The following CACNA1C variants were observed in gnomAD, a reference collection of about 807,000 sequenced individuals.
The protein encoded by CACNA1C is calcium voltage-gated channel subunit alpha1 C.
CACNA1C carries 30 observed loss-of-function variants against 229.0 expected under a neutral mutation model. The ratio of observed to expected loss-of-function variants is 0.13; its 90% CI spans 0.10 to 0.18. CACNA1C has a LOEUF of 0.18. Ranked by LOEUF, CACNA1C falls within the 10% of genes least tolerant of loss-of-function variation. CACNA1C has a pLI of 1.00. For synonymous variants in CACNA1C, 1,114 were observed against 1,132.5 expected, an observed-to-expected ratio of 0.98 and a Z score of 0.33; for missense variants, 1,658 against 2,845.0, an observed-to-expected ratio of 0.58 and a Z score of 9.49.
chr12:2,255,182 A>G (rs2076938873), intron 3 of CACNA1C, among the ~76,000 whole-genome samples: 1 of 151,688 alleles, frequency 6.6e-6, no homozygotes, highest in South Asian at 2.1e-4. Flanking sequence ...AAATATGGAT[A>G]CAGACCCGTG....
chr12:2,305,251 G>T (rs1007929236), intron 3 of CACNA1C, among the ~76,000 whole-genome samples: 2 of 152,220 alleles, frequency 1.3e-5, no homozygotes, highest in Non-Finnish European at 2.9e-5. Context: ...AAAAGCTGGG[G>T]CAGATTCTGA....
intron 9 of CACNA1C, among the ~76,000 whole-genome samples, chr12:2,523,759 C>T (rs1026475411): frequency 2.6e-5 from 4 of 152,164 alleles, no homozygotes; most frequent in Non-Finnish European, 5.9e-5. Flanking sequence ...TACACTTGGG[C>T]GTTAAAGTAG....
At chr12:2,239,675 G>A (rs1019187347) in intron 3 of CACNA1C, among the ~76,000 whole-genome samples, 4 of 152,102 alleles carry the variant, frequency 2.6e-5, no homozygotes, top group East Asian at 3.9e-4. Flanking sequence ...CAATTTTAGC[G>A]GTGTTACCAG....
At chr12:2,182,829 AG>A (rs1186202233) in intron 3 of CACNA1C, among the ~76,000 whole-genome samples, 3 of 152,106 alleles carry the variant, frequency 2.0e-5, no homozygotes, top group Non-Finnish European at 4.4e-5. Context: ...GGCTCAGGGA[AG>A]GGGCGCGTGT....
At chr12:2,098,262 TG>T (rs1482350194) in intron 1 of CACNA1C, among the ~76,000 whole-genome samples, 1 of 152,166 alleles carries the variant, frequency 6.6e-6, no homozygotes, top group African/African-American at 2.4e-5. Context: ...TGCTGTCTGG[TG>T]GGGTTTTGTA....
intron 3 of CACNA1C, among the ~76,000 whole-genome samples, chr12:2,143,083 C>A (rs2094413123): frequency 6.6e-6 from 1 of 150,818 alleles, no homozygotes; most frequent in Admixed American, 6.7e-5. Flanking sequence ...TCAAGCAATT[C>A]TTCTGCCTCA....
At chr12:2,092,432 A>C (rs894633538) in intron 1 of CACNA1C, among the ~76,000 whole-genome samples, 1 of 152,144 alleles carries the variant, frequency 6.6e-6, no homozygotes, top group Admixed American at 6.5e-5. Flanking sequence ...CTGTAACTCA[A>C]TATGTGTGGT....
Position 2,686,157 on chromosome 12 carries a change from G to T in CACNA1C, c.5681-9G>T. On this transcript the variant is annotated splice_polypyrimidine_tract_variant and intron_variant, in intron 44 of 46. Transcript: ENST00000399655. The stretch of plus-strand genomic sequence containing the variant: ...TGCCCTGATGGTGGCTCTCTGGCTG[G>T]CTTTGCAGGTCGAAGGGCCTCCTTC... 1 of 1,610,936 alleles carries T rather than the reference G, an allele frequency of 6.2e-7. No individual in the cohort carries two copies. Among genetic ancestry groups the T allele is most frequent in the Non-Finnish European group, 8.5e-7 (1 of 1,177,098 alleles).
intron 5 of CACNA1C, among the ~76,000 whole-genome samples, chr12:2,480,364 CA>C (rs1421306488): frequency 2.0e-5 from 3 of 152,238 alleles, no homozygotes; most frequent in African/African-American, 7.2e-5. Context: ...AGCCTTTCTG[CA>C]GCCTCCATGC....
intron 3 of CACNA1C, among the ~76,000 whole-genome samples, chr12:2,185,447 A>T (rs1027501631): frequency 1.3e-5 from 2 of 152,206 alleles, no homozygotes; most frequent in South Asian, 2.1e-4. Context: ...TGTCTCCTGT[A>T]CTTCTAGAAT....
chr12:2,532,038 G>C (rs1076340), intron 9 of CACNA1C, among the ~76,000 whole-genome samples: 2,812 of 152,288 alleles, frequency 0.018, 34 homozygotes, highest in Non-Finnish European at 0.026. Flanking sequence ...AGTGTCCTGG[G>C]TGCAGTGGCA....
chr12:1,972,586 A>AT (rs1258751821), intron 1 of CACNA1C, among the ~76,000 whole-genome samples: 1 of 152,234 alleles, frequency 6.6e-6, no homozygotes, highest in Non-Finnish European at 1.5e-5. Context: ...TCTGTGGTCT[A>AT]ACAAGGTTAA....
chr12:2,316,842 G>T (rs1336449293), intron 3 of CACNA1C, among the ~76,000 whole-genome samples: 1 of 152,186 alleles, frequency 6.6e-6, no homozygotes, highest in Admixed American at 6.5e-5. Flanking sequence ...CAAAAAGATG[G>T]CCAGGGACCT....
intron 3 of CACNA1C, among the ~76,000 whole-genome samples, chr12:2,277,010 G>A (rs919114098): frequency 6.6e-6 from 1 of 152,096 alleles, no homozygotes; most frequent in Admixed American, 6.5e-5. Flanking sequence ...CATCACAGGG[G>A]TTGCAAAGTC....
Position 2,029,016 on chromosome 12 carries a change from C to T in CACNA1C, c.139+57815C>T, listed in dbSNP as rs775310598. Among the ~76,000 whole-genome samples the T allele has an allele frequency of 6.6e-5, 10 of 152,120 alleles. No homozygotes were observed. Among genetic ancestry groups the T allele is most frequent in the East Asian group, 1.9e-4 (1 of 5,192 alleles). On this transcript the variant is annotated intron_variant, in intron 1 of 46. Coordinates refer to the CACNA1C transcript ENST00000682462. The surrounding 1 kb of genome is among the most constrained non-coding windows in gnomAD (Gnocchi z 4.9). ...TGTGTTCTCTCATGTCTGTTAAAAC[C>T]GTTCTCCCAGAGGTAGGAGGAGTAA...
chr12:1,972,816 G>T (rs1477062855), intron 1 of CACNA1C, among the ~76,000 whole-genome samples: 2 of 152,082 alleles, frequency 1.3e-5, no homozygotes, highest in African/African-American at 4.8e-5. Context: ...AAGGGAGGGG[G>T]GAGATCAGTG....
chr12:2,004,220 T>C (rs1041535754), intron 1 of CACNA1C: 1 of 1,595,188 alleles, frequency 6.3e-7, no homozygotes, highest in Non-Finnish European at 8.5e-7. Flanking sequence ...AAGTCCTGAG[T>C]CTGACGCCCC....
At chr12:2,296,506 C>G (rs1477218348) in intron 3 of CACNA1C, among the ~76,000 whole-genome samples, 1 of 152,124 alleles carries the variant, frequency 6.6e-6, no homozygotes, top group African/African-American at 2.4e-5. Flanking sequence ...GAGTGCAGGC[C>G]CAGCTTTCCT....
At chr12:2,617,398 G>A (rs1438699752) in intron 29 of CACNA1C, among the ~76,000 whole-genome samples, 1 of 152,210 alleles carries the variant, frequency 6.6e-6, no homozygotes, top group African/African-American at 2.4e-5. Context: ...AGGGGGCTCT[G>A]GAATGGTCGT....
Sources: allele counts gnomAD v4.1 joint callset (sites outside exome capture counted in the v4.1 genomes callset), GRCh38; gene constraint gnomAD v4.1.1; non-coding constraint Gnocchi (gnomAD v3.1); transcripts MANE v1.5; gene names NCBI Gene and HGNC (gene_info 2026-07-23, HGNC 2026-07-21).